The following UMAD1 variants were observed in gnomAD, a reference collection of about 807,000 sequenced individuals.
The protein encoded by UMAD1 is UBAP1-MVB12-associated (UMA) domain containing 1, also known as UBAP1-MVB12-associated (UMA)-domain containing protein 1.
UMAD1 carries 8 observed loss-of-function variants against 6.1 expected under a neutral mutation model. That is an observed-to-expected ratio of 1.30 (90% CI 0.76 to 2.35). The LOEUF (loss-of-function observed/expected upper bound fraction) is 2.35. UMAD1 is among the 30% of genes most tolerant of loss of function. The probability of loss-of-function intolerance (pLI) is 0.00; values close to 1 mark genes in which losing one functional copy is unlikely to be tolerated. For synonymous variants in UMAD1, 56 were observed against 31.4 expected, an observed-to-expected ratio of 1.78 and a Z score of -2.61; for missense variants, 130 against 78.4, an observed-to-expected ratio of 1.66 and a Z score of -2.49.
In UMAD1 at chr7:7,663,274, A is replaced by G. The variant is rs192257195; in HGVS notation, c.-63-10035A>G. 6.9e-5 allele frequency among the ~76,000 whole-genome samples: 8 copies of G among 115,622 alleles called. No homozygotes were observed. In the Admixed American group the frequency reaches 7.6e-4, roughly 11 times the overall value. 75.9% of individuals were successfully genotyped at this position (115,622 alleles called of 152,430 possible). A position where few individuals can be genotyped will look rare whatever the true frequency, so the allele number is the denominator to read the frequency against. Reference sequence around the variant, plus strand: ...TTTGAAGCAAACACCTAAATCTAAGATAGTTTTTTCTTTCTTTGTTTTTCT... The same window carrying G: ...TTTGAAGCAAACACCTAAATCTAAGGTAGTTTTTTCTTTCTTTGTTTTTCT... On this transcript the variant is annotated intron_variant, in intron 1 of 3. Transcript: ENST00000682710.
intron 2 of UMAD1, among the ~76,000 whole-genome samples, chr7:7,744,575 G>C (rs1039914919): frequency 6.6e-6 from 1 of 150,760 alleles, no homozygotes; most frequent in Admixed American, 6.6e-5. Flanking sequence ...CCACGTCCTG[G>C]TAACACTAAT....
chr7:7,703,705 C>G (rs147824219), intron 2 of UMAD1, among the ~76,000 whole-genome samples: 1 of 152,114 alleles, frequency 6.6e-6, no homozygotes, highest in Non-Finnish European at 1.5e-5. Context: ...TTTGGGAAGC[C>G]GAGACTGGCA....
At chr7:7,760,156 T>A (rs747293224) in intron 2 of UMAD1, among the ~76,000 whole-genome samples, 48 of 152,142 alleles carry the variant, frequency 3.2e-4, no homozygotes, top group Non-Finnish European at 6.2e-4. Context: ...TAGAGGCATG[T>A]GTATAGATGA....
At chr7:7,701,864 T>C (rs552940355) in intron 2 of UMAD1, among the ~76,000 whole-genome samples, 2 of 152,292 alleles carry the variant, frequency 1.3e-5, no homozygotes, top group South Asian at 2.1e-4. Flanking sequence ...CTTTCTTCAG[T>C]CTCCATTTAT....
chr7:7,723,014 A>G (rs191168914), intron 2 of UMAD1, among the ~76,000 whole-genome samples: 110 of 145,034 alleles, frequency 7.6e-4, no homozygotes, highest in South Asian at 2.3e-3. Flanking sequence ...TAAACCCTGC[A>G]CTGCCTGAGG....
chr7:7,701,895 A>C (rs1368923227), intron 2 of UMAD1, among the ~76,000 whole-genome samples: 4 of 152,092 alleles, frequency 2.6e-5, no homozygotes, highest in African/African-American at 4.8e-5. Flanking sequence ...AATTCACTGC[A>C]ACCATTTCTG....
At chr7:7,663,814 A>G (rs1319143283) in intron 1 of UMAD1, among the ~76,000 whole-genome samples, 1 of 152,218 alleles carries the variant, frequency 6.6e-6, no homozygotes, top group African/African-American at 2.4e-5. Context: ...GATAGGAATT[A>G]CATGCATGAC....
At chr7:7,825,138 T>C (rs1294290652) in intron 3 of UMAD1, among the ~76,000 whole-genome samples, 2 of 152,060 alleles carry the variant, frequency 1.3e-5, no homozygotes, top group Non-Finnish European at 2.9e-5. Flanking sequence ...ATAGAGTGGA[T>C]AGGAGGTGGG....
At chr7:7,826,527 C>A (rs1249700365) in intron 3 of UMAD1, among the ~76,000 whole-genome samples, 1 of 152,096 alleles carries the variant, frequency 6.6e-6, no homozygotes, top group Admixed American at 6.6e-5. Context: ...TTATTTCTTT[C>A]GCCTCAATTG....
chr7:7,770,800 C>T lies in UMAD1; in HGVS notation c.83-30870C>T, dbSNP rs972392228. 4.0e-5 allele frequency among the ~76,000 whole-genome samples: 6 copies of T among 151,872 alleles called. No homozygotes were observed. The South Asian group carries it at 6.2e-4, about 16-fold the overall frequency. On this transcript the variant is annotated intron_variant, in intron 2 of 3. Coordinates refer to ENST00000682710, the MANE Select transcript of UMAD1 (RefSeq NM_001302348.2). ...TTTTATGGAGACGATCATGAGTTCA[C>T]GATCGTCTGGAAGTGTTGAGGTGAA...
At chr7:7,860,783 A>C (rs1404190474) in intron 3 of UMAD1, among the ~76,000 whole-genome samples, 1 of 94,090 alleles carries the variant, frequency 1.1e-5, no homozygotes, top group South Asian at 2.8e-4. Flanking sequence ...TCAAAAAAAA[A>C]AAAAATAACA....
chr7:7,711,248 T>C (rs1450178108), intron 2 of UMAD1, among the ~76,000 whole-genome samples: 1 of 152,176 alleles, frequency 6.6e-6, no homozygotes, highest in Non-Finnish European at 1.5e-5. Flanking sequence ...TGCCTGTGAA[T>C]CTAGAATTAT....
chr7:7,808,147 G>C (rs1295167766), intron 3 of UMAD1, among the ~76,000 whole-genome samples: 1 of 151,978 alleles, frequency 6.6e-6, no homozygotes, highest in Non-Finnish European at 1.5e-5. Context: ...TTTGAGGGAA[G>C]AGTTACAATT....
At chr7:7,859,646 C>T (rs907683728) in intron 3 of UMAD1, among the ~76,000 whole-genome samples, 12 of 152,104 alleles carry the variant, frequency 7.9e-5, no homozygotes, top group African/African-American at 2.4e-4. Context: ...TAAGGTCACA[C>T]GGTTTAGGTA....
chr7:7,827,799 C>G (rs900225230), intron 3 of UMAD1, among the ~76,000 whole-genome samples: 2 of 152,126 alleles, frequency 1.3e-5, no homozygotes, highest in Non-Finnish European at 2.9e-5. Flanking sequence ...AGTTCTACCT[C>G]CAATAAGACA....
At chr7:7,855,772 T>G (rs774662039) in intron 3 of UMAD1, among the ~76,000 whole-genome samples, 53 of 152,186 alleles carry the variant, frequency 3.5e-4, no homozygotes, top group Non-Finnish European at 6.8e-4. Flanking sequence ...AGAAAATGGG[T>G]TTTTATTTTC....
At chr7:7,666,457 C>G (rs1315561424) in intron 1 of UMAD1, among the ~76,000 whole-genome samples, 1 of 152,020 alleles carries the variant, frequency 6.6e-6, no homozygotes, top group Non-Finnish European at 1.5e-5. Flanking sequence ...ATCTGCCTAC[C>G]TCAGCCTCCC....
At chr7:7,726,363 C>T (rs1157624565) in intron 2 of UMAD1, among the ~76,000 whole-genome samples, 1 of 152,220 alleles carries the variant, frequency 6.6e-6, no homozygotes, top group African/African-American at 2.4e-5. Context: ...AGCTCATGCT[C>T]ATGGAATTCA....
chr7:7,854,802 G>C (rs1783984229), intron 3 of UMAD1, among the ~76,000 whole-genome samples: 1 of 152,142 alleles, frequency 6.6e-6, no homozygotes, highest in African/African-American at 2.4e-5. Context: ...AAAAATCCAA[G>C]TCCAAAGTCT....
Sources: allele counts gnomAD v4.1 joint callset (sites outside exome capture counted in the v4.1 genomes callset), GRCh38; gene constraint gnomAD v4.1.1; transcripts MANE v1.5; gene names NCBI Gene and HGNC (gene_info 2026-07-23, HGNC 2026-07-21).